Variants in FAM81A observed in about 807,000 individuals in gnomAD.
FAM81A encodes the protein family with sequence similarity 81 member A.
FAM81A carries 19 observed loss-of-function variants against 46.7 expected under a neutral mutation model. That is an observed-to-expected ratio of 0.41 (90% CI 0.28 to 0.60). The LOEUF (loss-of-function observed/expected upper bound fraction) is 0.60, where lower values mean the gene tolerates loss of function less well. Ranked by LOEUF, FAM81A falls within the 20% of genes least tolerant of loss-of-function variation. The pLI, the probability that FAM81A is intolerant of heterozygous loss-of-function variation, is 0.34. For synonymous variants in FAM81A, 183 were observed against 152.9 expected, an observed-to-expected ratio of 1.20 and a Z score of -1.45; for missense variants, 377 against 453.5, an observed-to-expected ratio of 0.83 and a Z score of 1.53.
chr15:59,487,695 A>G (rs1279134122), intron 3 of FAM81A, among the ~76,000 whole-genome samples: 1 of 152,162 alleles, frequency 6.6e-6, no homozygotes, highest in Non-Finnish European at 1.5e-5. Context: ...ACCTACCACA[A>G]TTGAATAATG....
rs767840502 is a variant in FAM81A at position 59,522,095 on chromosome 15, A to G, written c.*717A>G. ...TTTTAATATTTAAAACTATTTTTGAATTATCCACAACCTGTATAGTGATAG... is the reference window on the plus strand; with the variant it reads ...TTTTAATATTTAAAACTATTTTTGAGTTATCCACAACCTGTATAGTGATAG... On this transcript the variant is annotated 3_prime_UTR_variant, in exon 9 of 9. Coordinates refer to ENST00000288228, the MANE Select transcript of FAM81A (RefSeq NM_152450.3). 2.6e-5 allele frequency: 4 copies of G among 152,754 alleles called. No individual in the cohort carries two copies. Among genetic ancestry groups the G allele is most frequent in the Non-Finnish European group, 5.9e-5 (4 of 68,020 alleles). 9.5% of individuals were successfully genotyped at this position (152,754 alleles called of 1,614,324 possible). A position where few individuals can be genotyped will look rare whatever the true frequency, so the allele number is the denominator to read the frequency against.
In FAM81A at chr15:59,460,882, A is replaced by G. The variant is rs1184648305; in HGVS notation, c.294+676A>G. ...GTAATGACTGAATATATGAATACTA[A>G]TAGATATATGGCTAGATTAAGGAAA... On this transcript the variant is annotated intron_variant, in intron 3 of 8. Coordinates refer to ENST00000288228, the MANE Select transcript of FAM81A (RefSeq NM_152450.3). The surrounding 1 kb of genome is among the most constrained non-coding windows in gnomAD (Gnocchi z 4.4). Among the ~76,000 whole-genome samples, 2 of 152,206 alleles carry G rather than the reference A, an allele frequency of 1.3e-5. No homozygotes were observed. The highest frequency in any genetic ancestry group is 1.5e-5 in the Non-Finnish European group (1 of 68,042).
Position 59,398,470 on chromosome 15 carries a change from G to T in FAM81A, c.-160-3806G>T, listed in dbSNP as rs1411519410. 4.6e-5 allele frequency among the ~76,000 whole-genome samples: 7 copies of T among 152,240 alleles called. No homozygotes were observed. In the East Asian group the frequency reaches 1.2e-3, roughly 25 times the overall value. On this transcript the variant is annotated intron_variant, in intron 1 of 4. Transcript: ENST00000558348. ...TAGCTCCATAAAGTCATTAGAACAT[G>T]AATCCAGGCCAGGTGTGGCAGCTCA...
chr15:59,436,582 G>A (rs1254744928), upstream of FAM81A, among the ~76,000 whole-genome samples: 2 of 152,152 alleles, frequency 1.3e-5, no homozygotes, highest in African/African-American at 4.8e-5. Context: ...TGGACTCTAG[G>A]TTTGAATGGG....
At chr15:59,479,279 G>A (rs1026036817) in intron 3 of FAM81A, among the ~76,000 whole-genome samples, 1 of 151,994 alleles carries the variant, frequency 6.6e-6, no homozygotes, top group Non-Finnish European at 1.5e-5. Context: ...TTGGGAGGCC[G>A]AGGCGTGCAG....
chr15:59,521,690 T>C lies in FAM81A; in HGVS notation c.*312T>C. ...AAGACGACAATTTTTCTTCAATGCTTGATGCACTAATGAAGACTGTTTACT... is the reference window on the plus strand; with the variant it reads ...AAGACGACAATTTTTCTTCAATGCTCGATGCACTAATGAAGACTGTTTACT... On this transcript the variant is annotated 3_prime_UTR_variant, in exon 9 of 9. Coordinates refer to ENST00000288228, the MANE Select transcript of FAM81A (RefSeq NM_152450.3). The C allele has an allele frequency of 9.3e-6, 2 of 213,966 alleles. No homozygotes were observed. Among genetic ancestry groups the C allele is most frequent in the South Asian group, 2.7e-4 (2 of 7,284 alleles). The allele number at this position is 213,966 out of a possible 1,614,324, so 13.3% of individuals were successfully genotyped here.
chr15:59,442,636 A>AG (rs1339669346), intron 1 of FAM81A, among the ~76,000 whole-genome samples: 21 of 149,936 alleles, frequency 1.4e-4, no homozygotes, highest in African/African-American at 4.7e-4. Context: ...AAAAAAAAAA[A>AG]AAAAGAAAAG....
chr15:59,442,472 C>A (rs2141588449), intron 1 of FAM81A, among the ~76,000 whole-genome samples: 1 of 151,934 alleles, frequency 6.6e-6, no homozygotes, highest in East Asian at 1.9e-4. Flanking sequence ...CAAAAATTAG[C>A]TGGGCATGGT....
At position 59,460,037 on chromosome 15, in the gene FAM81A, A is replaced by G; in HGVS notation, c.125A>G (p.Lys42Arg). The part of the protein sequence containing the change: ...QLEDRILCHE[K>R]TTAALVEHAF... ...GAAGACAGGATCCTCTGCCATGAGA[A>G]AACCACCGCCGCCCTCGTAGAGCAC... The change falls in exon 3 of 9, where the codon AAA (lysine) becomes AGA (arginine). Residue 42 changes from lysine to arginine, a missense_variant. Transcript: ENST00000288228. The surrounding 1 kb of genome is among the most constrained non-coding windows in gnomAD (Gnocchi z 4.4). 1 of 1,613,978 alleles carries G rather than the reference A, an allele frequency of 6.2e-7. No homozygotes were observed. Among genetic ancestry groups the G allele is most frequent in the Non-Finnish European group, 8.5e-7 (1 of 1,179,888 alleles).
chr15:59,401,741 G>A (rs2081071327), intron 1 of FAM81A: 2 of 768,856 alleles, frequency 2.6e-6, no homozygotes, highest in Non-Finnish European at 4.8e-6. Flanking sequence ...CAGATAGGCA[G>A]GTACTGCTCC....
At chr15:59,476,203 AG>A (rs2141694905) in intron 3 of FAM81A, among the ~76,000 whole-genome samples, 1 of 151,998 alleles carries the variant, frequency 6.6e-6, no homozygotes, top group African/African-American at 2.4e-5. Context: ...CATCACATCA[AG>A]GGTTAGGAGT....
intron 3 of FAM81A, among the ~76,000 whole-genome samples, chr15:59,479,600 G>A (rs1368462951): frequency 6.6e-6 from 1 of 151,320 alleles, no homozygotes; most frequent in African/African-American, 2.4e-5. Context: ...TATGGGGCCA[G>A]GCAAGCCAAG....
At chr15:59,399,408 T>C (rs2081060982) in intron 1 of FAM81A, among the ~76,000 whole-genome samples, 1 of 152,098 alleles carries the variant, frequency 6.6e-6, no homozygotes, top group Non-Finnish European at 1.5e-5. Flanking sequence ...TAGGGGTTCT[T>C]GTACCAAGAA....
intron 8 of FAM81A, 88 bp downstream of exon 8, chr15:59,516,928 C>T (rs2082273838): frequency 8.0e-7 from 1 of 1,242,712 alleles, no homozygotes; most frequent in Non-Finnish European, 1.1e-6. Flanking sequence ...TACCTATGAA[C>T]CTGGCTAATG....
chr15:59,449,875 T>A (rs1414396478), intron 1 of FAM81A, among the ~76,000 whole-genome samples: 1 of 151,402 alleles, frequency 6.6e-6, no homozygotes, highest in Non-Finnish European at 1.5e-5. Context: ...ATTTGTGAGA[T>A]TCATTCACAT....
chr15:59,446,606 C>G (rs1409534412), intron 1 of FAM81A: 2 of 152,214 alleles, frequency 1.3e-5, no homozygotes, highest in African/African-American at 4.8e-5. Flanking sequence ...GGAAAGAATG[C>G]AAGTCTTGCT....
At position 59,431,532 on chromosome 15, in the gene FAM81A, C is replaced by CTT. The variant is rs528145205; in HGVS notation, c.-77-27002_-77-27001dup. On this transcript the variant is annotated intron_variant, in intron 2 of 4. Transcript: ENST00000558348. ...ACAGGCGTGAGCCACTGCAACCAGC[C>CTT]TTTTTTTTTTTTTTTTTGAGACAGA... 1.6e-3 allele frequency among the ~76,000 whole-genome samples: 210 copies of CTT among 135,480 alleles called. 3 individuals carry two copies. Among genetic ancestry groups the CTT allele is most frequent in the African/African-American group, 3.9e-3 (145 of 36,834 alleles). The allele number at this position is 135,480 out of a possible 152,430, so 88.9% of individuals were successfully genotyped here.
At chr15:59,452,531 C>T (rs894344115) in intron 1 of FAM81A, among the ~76,000 whole-genome samples, 9 of 152,182 alleles carry the variant, frequency 5.9e-5, no homozygotes, top group East Asian at 5.8e-4. Flanking sequence ...CCTGTGGTCC[C>T]GGCTAATCTG....
rs7162061 is a variant in FAM81A, at chr15:59,465,392, C to T, written c.294+5186C>T. Among the ~76,000 whole-genome samples the T allele has an allele frequency of 7.7e-3, 1,172 of 152,294 alleles. 16 individuals carry two copies. The highest frequency in any genetic ancestry group is 0.027 in the African/African-American group (1,109 of 41,564). On this transcript the variant is annotated intron_variant, in intron 3 of 8. Transcript: ENST00000288228. The stretch of plus-strand genomic sequence containing the variant: ...GGTTCAAGTGTTTCTCCTGCCTCAG[C>T]CTCCTGAGTAGCTGAGATTACAGGC...
Sources: gnomAD v4.1 joint callset for allele counts (sites outside exome capture counted in the v4.1 genomes callset) on GRCh38, gnomAD v4.1.1 for gene constraint, Gnocchi (gnomAD v3.1) non-coding constraint, MANE v1.5 for transcripts, NCBI Gene and HGNC (gene_info 2026-07-23, HGNC 2026-07-21) for gene names.